NKIRAS1: variants seen among roughly 807,000 people sequenced by gnomAD.
The protein encoded by NKIRAS1 is NF-kappa-B inhibitor-interacting Ras-like protein 1.
Under a neutral mutation model 19.8 loss-of-function variants are expected in NKIRAS1, and 16 were observed. That is an observed-to-expected ratio of 0.81 (90% CI 0.55 to 1.23). The LOEUF (loss-of-function observed/expected upper bound fraction) is 1.23, where lower values mean the gene tolerates loss of function less well. Among genes scored for constraint, NKIRAS1 ranks in the 50% most tolerant of loss-of-function variants. The pLI is 0.00. For missense variants in NKIRAS1, 184 were observed against 220.0 expected (o/e 0.84, Z 1.04); for synonymous variants, 88 against 79.0 (o/e 1.11, Z -0.61).
chr3:23,933,012 G>A (rs972086795), intron 1 of NKIRAS1, among the ~76,000 whole-genome samples: 1 of 152,140 alleles, frequency 6.6e-6, no homozygotes, highest in African/African-American at 2.4e-5. Context: ...TTGAGATGGG[G>A]AGACTTCAGG....
chr3:23,946,397 G>A (rs1380387077), exon 1 of NKIRAS1: 1 of 684,912 alleles, frequency 1.5e-6, no homozygotes, highest in Non-Finnish European at 1.8e-6. Context: ...GGAAGGCGTG[G>A]GGCTTTCCCG....
At position 23,927,254 on chromosome 3, in the gene NKIRAS1, T is replaced by C. The variant is rs1705227167; in HGVS notation, c.-139-15804A>G. On this transcript the variant is annotated intron_variant, in intron 1 of 4. Transcript: ENST00000421515. This position sits in a 1 kb window ranked among gnomAD's most constrained non-coding sequence, Gnocchi z 4.0. ...CTGCTGCAAGGCTGAGTGCAGTGGCTCACGTCTGTAATCCCAGCACTTTGG... is the reference window on the plus strand; with the variant it reads ...CTGCTGCAAGGCTGAGTGCAGTGGCCCACGTCTGTAATCCCAGCACTTTGG... Among the ~76,000 whole-genome samples, 1 of 152,186 alleles carries C rather than the reference T, an allele frequency of 6.6e-6. No individual in the cohort carries two copies. The highest frequency in any genetic ancestry group is 1.5e-5 in the Non-Finnish European group (1 of 68,026).
chr3:23,914,667 A>G (rs1291534693), intron 1 of NKIRAS1, among the ~76,000 whole-genome samples: 1 of 152,220 alleles, frequency 6.6e-6, no homozygotes, highest in East Asian at 1.9e-4. Flanking sequence ...AGGGGGCAAA[A>G]ACAGAAATCA....
intron 1 of NKIRAS1, chr3:23,946,173 C>G (rs1161095465): frequency 2.0e-6 from 2 of 985,132 alleles, no homozygotes; most frequent in South Asian, 4.7e-5. Context: ...CGTGCGCGCC[C>G]GCTGAGCCCC....
At chr3:23,928,249 C>T (rs1196563145) in intron 1 of NKIRAS1, among the ~76,000 whole-genome samples, 1 of 150,452 alleles carries the variant, frequency 6.6e-6, no homozygotes, top group Non-Finnish European at 1.5e-5. Context: ...AAGATTGCAC[C>T]ACTGCACTCC....
intron 1 of NKIRAS1, among the ~76,000 whole-genome samples, chr3:23,934,424 T>C (rs372803284): frequency 2.0e-4 from 31 of 152,208 alleles, no homozygotes; most frequent in African/African-American, 7.2e-4. Context: ...CTTGTGATAT[T>C]GGGAATTTGA....
chr3:23,893,798 C>CAAAAAAAAAAA (rs58905555), intron 4 of NKIRAS1, among the ~76,000 whole-genome samples: 2 of 81,556 alleles, frequency 2.5e-5, no homozygotes, highest in African/African-American at 9.9e-5. Flanking sequence ...GACTCCATCT[C>CAAAAAAAAAAA]AAAAAAAAAA....
intron 1 of NKIRAS1, among the ~76,000 whole-genome samples, chr3:23,942,256 A>G (rs988544534): frequency 2.6e-5 from 4 of 151,822 alleles, no homozygotes; most frequent in African/African-American, 9.7e-5. Flanking sequence ...TGGGATTACA[A>G]GCGTGAGCCA....
chr3:23,936,778 C>A (rs1158103454), intron 1 of NKIRAS1, among the ~76,000 whole-genome samples: 2 of 152,284 alleles, frequency 1.3e-5, no homozygotes, highest in East Asian at 1.9e-4. Flanking sequence ...GATCTCCTGA[C>A]CTTGTGATCC....
At position 23,899,468 on chromosome 3, in the gene NKIRAS1, TTTG is replaced by T. The variant is rs1419119741; in HGVS notation, c.336+1337_336+1339del. Reference sequence around the variant, plus strand: ...TTTGTTGTTGCTGTTTGTTTTGTTTTTTGTTTTTTTTCTACCATCTAGCCAGTA... The same window carrying T: ...TTTGTTGTTGCTGTTTGTTTTGTTTTTTTTTTTTCTACCATCTAGCCAGTA... On this transcript the variant is annotated intron_variant, in intron 4 of 4. Coordinates refer to ENST00000425478, the MANE Select transcript of NKIRAS1 (RefSeq NM_020345.4). Among the ~76,000 whole-genome samples, 18 of 152,374 alleles carry T rather than the reference TTTG, an allele frequency of 1.2e-4. No individual in the cohort carries two copies. In the East Asian group the frequency reaches 2.5e-3, roughly 21 times the overall value.
In NKIRAS1 at chr3:23,936,131, A is replaced by G. The variant is rs1015767601; in HGVS notation, c.-140+10192T>C. On this transcript the variant is annotated intron_variant, in intron 1 of 4. Coordinates refer to the NKIRAS1 transcript ENST00000421515. ...AGCGGGGTTGGGGAGCTCATTGGTG[A>G]TAAGCATAATAGGAGTGTTTATTCT... Among the ~76,000 whole-genome samples the G allele has an allele frequency of 4.9e-4, 71 of 145,934 alleles. 1 individual carries two copies. Among genetic ancestry groups the G allele is most frequent in the African/African-American group, 1.7e-3 (70 of 40,022 alleles).
At chr3:23,908,847 T>G (rs975854563) in intron 3 of NKIRAS1, among the ~76,000 whole-genome samples, 1 of 86,924 alleles carries the variant, frequency 1.2e-5, no homozygotes, top group Non-Finnish European at 2.5e-5. Context: ...TCTTTCTTTC[T>G]TTTTTTTTTT....
At chr3:23,918,436 G>A (rs560692338), upstream of NKIRAS1, 66 of 1,611,858 alleles carry the variant, frequency 4.1e-5, no homozygotes, top group South Asian at 5.9e-4. Flanking sequence ...GTGTTTGTGT[G>A]TAGGTTACGT....
At chr3:23,918,450 A>G, upstream of NKIRAS1, 1 of 1,612,550 alleles carries the variant, frequency 6.2e-7, no homozygotes, top group Non-Finnish European at 8.5e-7. Context: ...GTTACGTTAT[A>G]TATAGGATTC....
chr3:23,908,548 T>C (rs1242431439), intron 3 of NKIRAS1, among the ~76,000 whole-genome samples: 1 of 152,166 alleles, frequency 6.6e-6, no homozygotes, highest in East Asian at 1.9e-4. Flanking sequence ...GAAAAGATTT[T>C]CTAAAAAGTA....
chr3:23,937,549 GT>G (rs1406788216), intron 1 of NKIRAS1, among the ~76,000 whole-genome samples: 2 of 150,412 alleles, frequency 1.3e-5, no homozygotes, highest in African/African-American at 2.5e-5. Context: ...CAAGTTTTGT[GT>G]TTGATGTTTT....
intron 1 of NKIRAS1, among the ~76,000 whole-genome samples, chr3:23,912,150 A>G (rs1302035545): frequency 6.6e-6 from 1 of 152,208 alleles, no homozygotes; most frequent in Non-Finnish European, 1.5e-5. Flanking sequence ...CTTCATGACT[A>G]AAACACCAAA....
chr3:23,894,235 A>G (rs1701751600), intron 4 of NKIRAS1, among the ~76,000 whole-genome samples: 1 of 152,216 alleles, frequency 6.6e-6, no homozygotes, highest in African/African-American at 2.4e-5. Flanking sequence ...AGATTTTCAG[A>G]TAGTGCCCGT....
intron 1 of NKIRAS1, chr3:23,945,731 C>T (rs899382549): frequency 2.0e-5 from 12 of 595,330 alleles, no homozygotes; most frequent in African/African-American, 6.0e-5. Context: ...GCGTGTCCGC[C>T]TCTGGCTCGG....
Sources: gnomAD v4.1 joint callset for allele counts (sites outside exome capture counted in the v4.1 genomes callset) on GRCh38, gnomAD v4.1.1 for gene constraint, Gnocchi (gnomAD v3.1) non-coding constraint, MANE v1.5 for transcripts, NCBI Gene and HGNC (gene_info 2026-07-23, HGNC 2026-07-21) for gene names.